The following LRRK2 variants were observed in gnomAD, a reference collection of about 807,000 sequenced individuals.
The protein encoded by LRRK2 is leucine-rich repeat serine/threonine-protein kinase 2.
In LRRK2, 203 loss-of-function variants were observed where a neutral mutation model predicts 302.6. That is an observed-to-expected ratio of 0.67 (90% CI 0.60 to 0.75). The LOEUF (loss-of-function observed/expected upper bound fraction) is 0.75. Ranked by LOEUF, LRRK2 falls within the 30% of genes least tolerant of loss-of-function variation. The pLI, the probability that LRRK2 is intolerant of heterozygous loss-of-function variation, is 0.00. For missense variants in LRRK2, 2,830 were observed against 2,951.0 expected, an observed-to-expected ratio of 0.96 and a Z score of 0.95; for synonymous variants, 1,066 against 1,031.9, an observed-to-expected ratio of 1.03 and a Z score of -0.63.
intron 14 of LRRK2, among the ~76,000 whole-genome samples, chr12:40,270,539 G>GT (rs931888069): frequency 1.5e-4 from 23 of 150,420 alleles, no homozygotes; most frequent in South Asian, 2.1e-4. Flanking sequence ...GTAAAATATT[G>GT]TTTTTTTTTC....
rs538911461 is a variant in LRRK2 at position 40,368,310 on chromosome 12, T to C, written c.*545T>C. ...TCCTTTGTTGGTATGTGAATTCTCT[T>C]TGTTGCTGTTGCAAACAGTGCATCT... On this transcript the variant is annotated 3_prime_UTR_variant, in exon 51 of 51. Coordinates refer to ENST00000298910, the MANE Select transcript of LRRK2 (RefSeq NM_198578.4). The C allele has an allele frequency of 4.6e-5, 7 of 152,110 alleles. No individual in the cohort carries two copies. The highest frequency in any genetic ancestry group is 1.7e-4 in the African/African-American group (7 of 41,544). The allele number at this position is 152,110 out of a possible 1,614,324, so 9.4% of individuals were successfully genotyped here.
intron 41 of LRRK2, among the ~76,000 whole-genome samples, chr12:40,341,835 A>G (rs757083364): frequency 6.6e-6 from 1 of 152,262 alleles, no homozygotes; most frequent in Non-Finnish European, 1.5e-5. Context: ...TAACATGAAG[A>G]AGCTTATTTA....
chr12:40,225,923 C>A (rs1190483049), intron 2 of LRRK2, among the ~76,000 whole-genome samples: 9 of 152,092 alleles, frequency 5.9e-5, no homozygotes, highest in Admixed American at 5.2e-4. Flanking sequence ...CGGTTTTAGT[C>A]TCGTTATTGG....
At position 40,273,665 on chromosome 12, in the gene LRRK2, A is replaced by G. The variant is rs150606290; in HGVS notation, c.1657-918A>G. Among the ~76,000 whole-genome samples the G allele has an allele frequency of 3.6e-3, 544 of 152,278 alleles. 4 individuals carry two copies. Among genetic ancestry groups the G allele is most frequent in the Middle Eastern group, 0.014 (4 of 294 alleles). ...TTTGGAGTGGAGGTACCATGAAACT[A>G]GTGTCTGCAAAACATCATCTAAATG... On this transcript the variant is annotated intron_variant, in intron 14 of 50. Coordinates refer to ENST00000298910, the MANE Select transcript of LRRK2 (RefSeq NM_198578.4).
intron 38 of LRRK2, 68 bp from the exon 39 acceptor site, chr12:40,328,292 A>T: frequency 8.6e-7 from 1 of 1,164,482 alleles, no homozygotes; most frequent in Non-Finnish European, 1.3e-6. Flanking sequence ...ATTACAACAG[A>T]TATAATTTAT....
At chr12:40,344,277 G>GA (rs1315698027) in intron 41 of LRRK2, among the ~76,000 whole-genome samples, 1 of 152,060 alleles carries the variant, frequency 6.6e-6, no homozygotes, top group Non-Finnish European at 1.5e-5. Context: ...CATTTATCAA[G>GA]AAAAAATATG....
Position 40,274,997 on chromosome 12 carries a change from T to C in LRRK2, c.1941+4T>C, listed in dbSNP as rs1047979786. 3.7e-6 allele frequency: 6 copies of C among 1,613,730 alleles called. No individual in the cohort carries two copies. Among genetic ancestry groups the C allele is most frequent in the African/African-American group, 1.3e-5 (1 of 74,910 alleles). On this transcript the variant is annotated splice_donor_region_variant and intron_variant, in intron 16 of 50. Coordinates refer to ENST00000298910, the MANE Select transcript of LRRK2 (RefSeq NM_198578.4). ...TGTTGCTGAAATACAGACTAAAGTA[T>C]GTGCATTATCTTGGAAAGAATTTGG...
intron 30 of LRRK2, 21 bp from the exon 31 acceptor site, chr12:40,310,407 AGGG>A (rs766076412): frequency 1.9e-6 from 3 of 1,610,694 alleles, no homozygotes; most frequent in Admixed American, 1.7e-5. Flanking sequence ...CAAACACAAG[AGGG>A]TTTTGTGTCT....
intron 14 of LRRK2, among the ~76,000 whole-genome samples, chr12:40,270,724 T>C (rs1024511501): frequency 2.0e-5 from 3 of 152,164 alleles, no homozygotes; most frequent in Admixed American, 1.3e-4. Context: ...TGGGATATGG[T>C]ATCCTCATTC....
chr12:40,298,166 G>A (rs1944454258), intron 23 of LRRK2, 77 bp from the exon 24 acceptor site: 1 of 1,467,910 alleles, frequency 6.8e-7, no homozygotes, highest in South Asian at 1.2e-5. Flanking sequence ...TACCAGAGGT[G>A]TGTAAGGCAG....
intron 38 of LRRK2, among the ~76,000 whole-genome samples, chr12:40,325,908 G>A (rs547296147): frequency 1.2e-3 from 177 of 152,210 alleles, no homozygotes; most frequent in Non-Finnish European, 2.0e-3. Context: ...CTGTTCATGC[G>A]TCTGAGAAGC....
At chr12:40,227,558 T>C (rs1362530621) in intron 2 of LRRK2, among the ~76,000 whole-genome samples, 2 of 152,206 alleles carry the variant, frequency 1.3e-5, no homozygotes, top group African/African-American at 4.8e-5. Context: ...TATGCAATAT[T>C]TTATTTCTGT....
intron 46 of LRRK2, among the ~76,000 whole-genome samples, chr12:40,358,756 A>G (rs951915894): frequency 6.6e-6 from 1 of 151,970 alleles, no homozygotes; most frequent in Admixed American, 6.6e-5. Flanking sequence ...TATTTCTGTG[A>G]GAAATATCAT....
At chr12:40,336,042 A>G (rs1302350637) in intron 40 of LRRK2, among the ~76,000 whole-genome samples, 1 of 152,114 alleles carries the variant, frequency 6.6e-6, no homozygotes, top group Non-Finnish European at 1.5e-5. Context: ...CCTCTGTCTC[A>G]TGATAGTCCC....
chr12:40,366,901 G>T, intron 49 of LRRK2, 105 bp from the exon 50 acceptor site: 1 of 774,358 alleles, frequency 1.3e-6, no homozygotes, highest in Admixed American at 2.2e-5. Context: ...TGTGAATTCA[G>T]TTCCAAGGTA....
chr12:40,353,871 G>A (rs540770409), intron 44 of LRRK2, among the ~76,000 whole-genome samples: 1 of 152,348 alleles, frequency 6.6e-6, no homozygotes, highest in East Asian at 1.9e-4. Context: ...GCAATGGCAG[G>A]CACTCTGCAG....
intron 11 of LRRK2, among the ~76,000 whole-genome samples, chr12:40,254,035 C>T (rs1942395425): frequency 6.6e-6 from 1 of 152,076 alleles, no homozygotes; most frequent in Admixed American, 6.6e-5. Flanking sequence ...GCTTGTATCC[C>T]TTTAGAAAGA....
At chr12:40,356,876 G>C (rs1946556453) in intron 46 of LRRK2, among the ~76,000 whole-genome samples, 1 of 152,134 alleles carries the variant, frequency 6.6e-6, no homozygotes, top group Admixed American at 6.5e-5. Context: ...TACATGCATA[G>C]AATGTGTAAT....
At chr12:40,354,244 C>T (rs557613415) in intron 44 of LRRK2, 55 bp from the exon 45 acceptor site, 40 of 1,443,184 alleles carry the variant, frequency 2.8e-5, no homozygotes, top group South Asian at 1.2e-4. Flanking sequence ...TGTACAAGTT[C>T]TAGTTGCTTA....
Sources: allele counts gnomAD v4.1 joint callset (sites outside exome capture counted in the v4.1 genomes callset), GRCh38; gene constraint gnomAD v4.1.1; transcripts MANE v1.5; gene names NCBI Gene and HGNC (gene_info 2026-07-23, HGNC 2026-07-21).